The following MYO5B variants were observed in gnomAD, a reference collection of about 807,000 sequenced individuals.
MYO5B encodes the protein myosin VB.
MYO5B carries 143 observed loss-of-function variants against 229.3 expected under a neutral mutation model. The ratio of observed to expected loss-of-function variants is 0.62; its 90% CI spans 0.54 to 0.72. MYO5B has a LOEUF of 0.72. Ranked by LOEUF, MYO5B falls within the 30% of genes least tolerant of loss-of-function variation. The pLI is 0.00. For missense variants in MYO5B, 2,321 were observed against 2,331.0 expected (o/e 1.00, Z 0.09); for synonymous variants, 918 against 885.2 (o/e 1.04, Z -0.66).
intron 1 of MYO5B, among the ~76,000 whole-genome samples, chr18:50,138,135 A>G (rs1177898468): frequency 2.0e-5 from 3 of 152,160 alleles, no homozygotes; most frequent in Non-Finnish European, 4.4e-5. Flanking sequence ...CCGTGAACAT[A>G]TACTCCACAA....
intron 1 of MYO5B, among the ~76,000 whole-genome samples, chr18:50,066,647 AAC>A (rs1367398684): frequency 6.6e-6 from 1 of 152,198 alleles, no homozygotes; most frequent in Non-Finnish European, 1.5e-5. Context: ...TTCCCGAATC[AAC>A]ACACACACTG....
chr18:50,124,018 A>G (rs1483147196), intron 1 of MYO5B, among the ~76,000 whole-genome samples: 2 of 152,254 alleles, frequency 1.3e-5, no homozygotes, highest in Non-Finnish European at 2.9e-5. Context: ...TTATGTGTCT[A>G]TAAATAAGAC....
chr18:50,161,527 CGGGGT>C (rs950843631), intron 1 of MYO5B, among the ~76,000 whole-genome samples: 2 of 68,350 alleles, frequency 2.9e-5, no homozygotes, highest in African/African-American at 1.2e-4. Context: ...GGTTTCGGGG[CGGGGT>C]GGGGGGGCAC....
intron 33 of MYO5B, among the ~76,000 whole-genome samples, chr18:49,843,806 C>T (rs1197984550): frequency 6.6e-6 from 1 of 152,250 alleles, no homozygotes; most frequent in African/African-American, 2.4e-5. Context: ...GATTCGTGGG[C>T]ACCACCACTT....
chr18:50,053,772 G>A (rs2030467957), intron 2 of MYO5B, among the ~76,000 whole-genome samples: 1 of 152,172 alleles, frequency 6.6e-6, no homozygotes, highest in Admixed American at 6.5e-5. Context: ...CAATCAACAA[G>A]TTAATCACCA....
chr18:50,084,739 C>G (rs142000153), intron 1 of MYO5B, among the ~76,000 whole-genome samples: 6,900 of 152,220 alleles, frequency 0.045, 168 homozygotes, highest in African/African-American at 0.063. Flanking sequence ...GAACAGAACA[C>G]AGCCCTCAGA....
At chr18:50,174,331 T>TACAGG (rs1433901489) in intron 1 of MYO5B, among the ~76,000 whole-genome samples, 1 of 152,096 alleles carries the variant, frequency 6.6e-6, no homozygotes, top group Non-Finnish European at 1.5e-5. Context: ...TCACAGGGGA[T>TACAGG]GGTGCACTCT....
At chr18:50,150,274 G>A (rs902405709) in intron 1 of MYO5B, among the ~76,000 whole-genome samples, 16 of 144,808 alleles carry the variant, frequency 1.1e-4, no homozygotes, top group African/African-American at 3.5e-4. Flanking sequence ...AGTCAGTGTG[G>A]CGATTCCTCA....
At chr18:50,124,901 A>G (rs2032132388) in intron 1 of MYO5B, among the ~76,000 whole-genome samples, 1 of 152,050 alleles carries the variant, frequency 6.6e-6, no homozygotes, top group African/African-American at 2.4e-5. Context: ...ATTTCCCCAG[A>G]CTGGGAGAGG....
intron 1 of MYO5B, among the ~76,000 whole-genome samples, chr18:50,184,488 T>C (rs573379585): frequency 6.6e-6 from 1 of 152,146 alleles, no homozygotes; most frequent in East Asian, 1.9e-4. Context: ...TAGAACACAG[T>C]GGTCAGAAGC....
chr18:49,945,719 T>G (rs2025364093), intron 14 of MYO5B, among the ~76,000 whole-genome samples: 1 of 147,188 alleles, frequency 6.8e-6, no homozygotes, highest in South Asian at 2.2e-4. Context: ...ACACTGAGAG[T>G]GGCAGGAGCA....
chr18:50,014,503 G>A (rs2026196557), intron 4 of MYO5B, among the ~76,000 whole-genome samples: 1 of 152,130 alleles, frequency 6.6e-6, no homozygotes, highest in South Asian at 2.1e-4. Flanking sequence ...GGTGTGTAAG[G>A]TGCCATCAGA....
intron 1 of MYO5B, among the ~76,000 whole-genome samples, chr18:50,067,022 C>A (rs1189352259): frequency 6.6e-6 from 1 of 152,112 alleles, no homozygotes; most frequent in African/African-American, 2.4e-5. Context: ...ACTGTGTCTG[C>A]AACTTTAAAG....
At chr18:49,972,770 A>T (rs1022996947) in intron 10 of MYO5B, among the ~76,000 whole-genome samples, 4 of 152,160 alleles carry the variant, frequency 2.6e-5, no homozygotes, top group African/African-American at 9.7e-5. Flanking sequence ...CCCAAGAGCA[A>T]CTACAAGGGC....
intron 26 of MYO5B, among the ~76,000 whole-genome samples, chr18:49,875,317 C>A (rs2024505782): frequency 6.6e-6 from 1 of 152,164 alleles, no homozygotes; most frequent in Non-Finnish European, 1.5e-5. Context: ...ATGCAAGATC[C>A]CAGGTATGAA....
rs150887005 is a variant in MYO5B at position 50,051,035 on chromosome 18, G to A, written c.138+4233C>T. Among the ~76,000 whole-genome samples the A allele has an allele frequency of 3.4e-3, 519 of 152,274 alleles. 2 individuals carry two copies. The highest frequency in any genetic ancestry group is 6.8e-3 in the Middle Eastern group (2 of 294). On this transcript the variant is annotated intron_variant, in intron 2 of 39. Transcript: ENST00000285039. ...TGAACAATTCATACTACTCTTATGT[G>A]TTTACACATATGTGCAGGTATAACA...
intron 27 of MYO5B, among the ~76,000 whole-genome samples, chr18:49,868,580 C>T (rs965300055): frequency 1.3e-5 from 2 of 152,228 alleles, no homozygotes; most frequent in African/African-American, 4.8e-5. Context: ...TCTGCCCAGC[C>T]AGCTTCCAGG....
chr18:50,121,126 CTG>C (rs1186812723), intron 1 of MYO5B, among the ~76,000 whole-genome samples: 1 of 152,326 alleles, frequency 6.6e-6, no homozygotes, highest in East Asian at 1.9e-4. Flanking sequence ...GGTTCCTCCT[CTG>C]TGAATCCTTT....
intron 12 of MYO5B, among the ~76,000 whole-genome samples, chr18:49,955,201 G>A (rs528057574): frequency 6.6e-5 from 10 of 152,346 alleles, no homozygotes; most frequent in African/African-American, 2.4e-4. Context: ...TCTAAAGTCA[G>A]ACTTAGAGGC....
Sources: allele counts gnomAD v4.1 joint callset (sites outside exome capture counted in the v4.1 genomes callset), GRCh38; gene constraint gnomAD v4.1.1; transcripts MANE v1.5; gene names NCBI Gene and HGNC (gene_info 2026-07-23, HGNC 2026-07-21).